Variants in CD180 observed in about 807,000 individuals in gnomAD.
CD180 encodes the protein CD180 antigen.
In CD180, 11 loss-of-function variants were observed where a neutral mutation model predicts 10.7. The ratio of observed to expected loss-of-function variants is 1.03; its 90% CI spans 0.65 to 1.70. The LOEUF (loss-of-function observed/expected upper bound fraction) is 1.70. Among genes scored for constraint, CD180 ranks in the 40% most tolerant of loss-of-function variants. The probability of loss-of-function intolerance (pLI) is 0.00; values close to 1 mark genes in which losing one functional copy is unlikely to be tolerated. For synonymous variants in CD180, 286 were observed against 294.6 expected (o/e 0.97, Z 0.30); for missense variants, 729 against 775.2 (o/e 0.94, Z 0.71).
At chr5:67,193,747 A>G (rs1430700460) in intron 1 of CD180, among the ~76,000 whole-genome samples, 1 of 152,132 alleles carries the variant, frequency 6.6e-6, no homozygotes, top group Non-Finnish European at 1.5e-5. Flanking sequence ...ACTGAGCACC[A>G]CTCCTGAGAC....
chr5:67,190,400 T>C (rs1172283892), intron 1 of CD180, among the ~76,000 whole-genome samples: 1 of 152,252 alleles, frequency 6.6e-6, no homozygotes, highest in Non-Finnish European at 1.5e-5. Flanking sequence ...CACGTGCTTC[T>C]GTTACTTTTT....
chr5:67,190,296 A>G (rs1323308819), intron 1 of CD180, among the ~76,000 whole-genome samples: 1 of 152,218 alleles, frequency 6.6e-6, no homozygotes, highest in African/African-American at 2.4e-5. Flanking sequence ...CCAGGGTTCC[A>G]GAACAGCACA....
chr5:67,193,442 T>C (rs556334775), intron 1 of CD180, among the ~76,000 whole-genome samples: 1 of 152,158 alleles, frequency 6.6e-6, no homozygotes, highest in African/African-American at 2.4e-5. Flanking sequence ...CAGGAATAAG[T>C]TCCATTTTTC....
At chr5:67,194,985 C>T (rs1348596956) in intron 1 of CD180, among the ~76,000 whole-genome samples, 1 of 152,096 alleles carries the variant, frequency 6.6e-6, no homozygotes, top group African/African-American at 2.4e-5. Flanking sequence ...GACATTTGGA[C>T]AAACAAGAAG....
intron 1 of CD180, among the ~76,000 whole-genome samples, chr5:67,186,569 T>C (rs1742198810): frequency 6.6e-6 from 1 of 152,198 alleles, no homozygotes; most frequent in African/African-American, 2.4e-5. Flanking sequence ...CTGAATGCAC[T>C]TGGTTTTACA....
At position 67,181,611 on chromosome 5, in the gene CD180, A is replaced by G. The variant is rs1742049069; in HGVS notation, c.*1246T>C. 6.6e-6 allele frequency: 1 copy of G among 152,186 alleles called. No individual in the cohort carries two copies. The highest frequency in any genetic ancestry group is 2.1e-4 in the South Asian group (1 of 4,824). The allele number at this position is 152,186 out of a possible 1,614,324, so 9.4% of individuals were successfully genotyped here. On this transcript the variant is annotated 3_prime_UTR_variant, in exon 3 of 3. Transcript: ENST00000256447. ...TTCATAACTATAAGTTACCATCTCTATCTCTACCCTAAAATTGGTTATTGA... is the reference window on the plus strand; with the variant it reads ...TTCATAACTATAAGTTACCATCTCTGTCTCTACCCTAAAATTGGTTATTGA...
chr5:67,196,779 C>CAG lies in CD180; in HGVS notation c.-139_-138insCT. The stretch of plus-strand genomic sequence containing the variant: ...TTGGAACAAGAAATGCTGTTGACTG[C>CAG]TCAGCATTCTGTGGCTCTGTGCTGG... On this transcript the variant is annotated 5_prime_UTR_variant, in exon 1 of 3. An upstream open reading frame in the 5' UTR loses its in-frame stop. Coordinates refer to ENST00000256447, the MANE Select transcript of CD180 (RefSeq NM_005582.3). The CAG allele has an allele frequency of 1.3e-6, 1 of 742,866 alleles. No individual in the cohort carries two copies. The highest frequency in any genetic ancestry group is 2.1e-6 in the Non-Finnish European group (1 of 483,788). 46.0% of individuals were successfully genotyped at this position (742,866 alleles called of 1,614,324 possible).
At position 67,183,936 on chromosome 5, in the gene CD180, A is replaced by G; in HGVS notation, c.907T>C (p.Leu303=). 1.9e-6 allele frequency: 3 copies of G among 1,614,166 alleles called. No homozygotes were observed. The highest frequency in any genetic ancestry group is 2.5e-6 in the Non-Finnish European group (3 of 1,180,024). The part of the protein sequence containing the change: ...TFQCFTQLQE[L]DLTATHLKGL... Reference sequence around the variant, plus strand: ...TTCAAGTGAGTTGCTGTCAGATCCAATTCTTGGAGTTGGGTGAAGCACTGA... The same window carrying G: ...TTCAAGTGAGTTGCTGTCAGATCCAGTTCTTGGAGTTGGGTGAAGCACTGA... Residue 303 remains leucine, a synonymous_variant, in exon 3 of 3, where the codon TTG becomes CTG. Coordinates refer to ENST00000256447, the MANE Select transcript of CD180 (RefSeq NM_005582.3).
At chr5:67,188,412 G>A (rs942736720) in intron 1 of CD180, among the ~76,000 whole-genome samples, 1 of 152,164 alleles carries the variant, frequency 6.6e-6, no homozygotes, top group African/African-American at 2.4e-5. Context: ...GGAAGCACAA[G>A]AACAAGGACA....
intron 2 of CD180, among the ~76,000 whole-genome samples, chr5:67,185,568 T>G (rs2151166296): frequency 6.6e-6 from 1 of 152,296 alleles, no homozygotes; most frequent in South Asian, 2.1e-4. Flanking sequence ...GCATCTGATT[T>G]AGTACAAGAT....
chr5:67,194,290 C>A (rs749350294), intron 1 of CD180, among the ~76,000 whole-genome samples: 6 of 152,174 alleles, frequency 3.9e-5, no homozygotes, highest in Admixed American at 3.9e-4. Flanking sequence ...CATAGTTACT[C>A]CTTACTGTTC....
Position 67,183,020 on chromosome 5 carries a change from GCA to G in CD180, c.1821_1822del (p.Ala608LysfsTer9). On this transcript the variant is annotated frameshift_variant, in exon 3 of 3. Coordinates refer to ENST00000256447, the MANE Select transcript of CD180 (RefSeq NM_005582.3). LOFTEE classifies it low-confidence loss of function (END_TRUNC). ...AACTCCCCTTAGAGATGGCGGGTTT[GCA>G]CACGTGGTCTCCTCCGAGCCTTCAA... 1 of 1,614,212 alleles carries G rather than the reference GCA, an allele frequency of 6.2e-7. No homozygotes were observed. The highest frequency in any genetic ancestry group is 8.5e-7 in the Non-Finnish European group (1 of 1,180,030).
chr5:67,183,455 T>C lies in CD180; in HGVS notation c.1388A>G (p.His463Arg), dbSNP rs1742104276. 2 of 1,614,224 alleles carry C rather than the reference T, an allele frequency of 1.2e-6. No homozygotes were observed. The highest frequency in any genetic ancestry group is 1.7e-6 in the Non-Finnish European group (2 of 1,180,042). Residue 463 changes from histidine (H) to arginine (R), a missense_variant, in exon 3 of 3, where the codon CAT becomes CGT. By Grantham distance (29) the His-to-Arg change is conservative. Coordinates refer to ENST00000256447, the MANE Select transcript of CD180 (RefSeq NM_005582.3). The part of the protein sequence containing the change: ...TYCFLDTSNQ[H>R]LLAGLPVLRH... Reference sequence around the variant, plus strand: ...GAGAACTGGTAGGCCTGCTAGAAGATGCTGATTGCTGGTATCAAGGAAGCA... The same window carrying C: ...GAGAACTGGTAGGCCTGCTAGAAGACGCTGATTGCTGGTATCAAGGAAGCA...
chr5:67,193,424 C>T (rs1742345576), intron 1 of CD180, among the ~76,000 whole-genome samples: 1 of 152,180 alleles, frequency 6.6e-6, no homozygotes, highest in Non-Finnish European at 1.5e-5. Context: ...TGGAAAGTTC[C>T]AGAATCTCAG....
intron 1 of CD180, among the ~76,000 whole-genome samples, chr5:67,194,281 A>G (rs1043666889): frequency 6.6e-6 from 1 of 152,226 alleles, no homozygotes; most frequent in Non-Finnish European, 1.5e-5. Flanking sequence ...AGATGTTGGC[A>G]TAGTTACTCC....
At position 67,184,550 on chromosome 5, in the gene CD180, T is replaced by C. The variant is rs754817050; in HGVS notation, c.293A>G (p.Gln98Arg). 1.0e-5 allele frequency: 16 copies of C among 1,602,936 alleles called. No homozygotes were observed. The African/African-American group carries it at 1.7e-4, about 17-fold the overall frequency. Reference protein sequence around the residue: ...QINWIHEDTFQSHHQLSTLVL... With the variant: ...QINWIHEDTFRSHHQLSTLVL... ...AAGTGTGCTTAATTGATGATGGCTT[T>C]GAAAAGTGTCTTCATGTATCCAGTT... Residue 98 changes from glutamine (Q) to arginine (R), a missense_variant, in exon 3 of 3, where the codon CAA becomes CGA. Gln to Arg is a conservative substitution (Grantham distance 43). Transcript: ENST00000256447.
chr5:67,185,036 C>T (rs1187088910), intron 2 of CD180, among the ~76,000 whole-genome samples: 2 of 151,634 alleles, frequency 1.3e-5, no homozygotes, highest in African/African-American at 4.9e-5. Context: ...GAAAACCATC[C>T]TGGTATTGCA....
chr5:67,186,876 A>ATGTGTGTGTGTGTGTGTGTG (rs1742205291), intron 1 of CD180, among the ~76,000 whole-genome samples: 3 of 126,030 alleles, frequency 2.4e-5, no homozygotes, highest in African/African-American at 8.4e-5. Flanking sequence ...GTGTGTGTGA[A>ATGTGTGTGTGTGTGTGTGTG]AGAGAGAGAG....
intron 1 of CD180, among the ~76,000 whole-genome samples, chr5:67,194,825 A>C (rs1000525980): frequency 6.6e-6 from 1 of 152,126 alleles, no homozygotes; most frequent in African/African-American, 2.4e-5. Context: ...TCTCTCCCCC[A>C]CCACCAAATT....
Sources: allele counts gnomAD v4.1 joint callset (sites outside exome capture counted in the v4.1 genomes callset), GRCh38; gene constraint gnomAD v4.1.1; transcripts MANE v1.5; gene names NCBI Gene and HGNC (gene_info 2026-07-23, HGNC 2026-07-21).